TENM2: variants seen among roughly 807,000 people sequenced by gnomAD.
TENM2 encodes teneurin transmembrane protein 2.
A neutral mutation model predicts 245.2 loss-of-function variants in TENM2; 52 were observed. That is an observed-to-expected ratio of 0.21 (90% CI 0.17 to 0.27). The LOEUF is 0.27. Among genes scored for constraint, TENM2 ranks in the 10% least tolerant of loss-of-function variants. TENM2 has a pLI of 1.00. For missense variants in TENM2, 3,046 were observed against 3,666.8 expected (o/e 0.83, Z 4.37); for synonymous variants, 1,363 against 1,438.9 (o/e 0.95, Z 1.19).
chr5:167,629,221 G>A (rs1028843204), intron 2 of TENM2, among the ~76,000 whole-genome samples: 2 of 152,126 alleles, frequency 1.3e-5, no homozygotes, highest in African/African-American at 4.8e-5. Flanking sequence ...AGAGACCTAG[G>A]TTCAAATCCT....
chr5:167,034,556 A>C, the TENM2 span, among the ~76,000 whole-genome samples: 1 of 141,504 alleles, frequency 7.1e-6, no homozygotes, highest in Non-Finnish European at 1.5e-5. Flanking sequence ...CGTGAACCCG[A>C]GAGGCGGAGC....
the TENM2 span, among the ~76,000 whole-genome samples, chr5:167,253,681 T>A: frequency 6.6e-6 from 1 of 152,262 alleles, no homozygotes; most frequent in Non-Finnish European, 1.5e-5. Context: ...CTTTTACTCT[T>A]TAAGATGATT....
chr5:167,991,939 A>G lies in TENM2; in HGVS notation c.948-1005A>G, dbSNP rs186081293. 7.9e-5 allele frequency among the ~76,000 whole-genome samples: 12 copies of G among 152,360 alleles called. No individual in the cohort carries two copies. In the East Asian group the frequency reaches 2.3e-3, roughly 29 times the overall value. On this transcript the variant is annotated intron_variant, in intron 4 of 28. Transcript: ENST00000518659. ...CAATCTAAAATGGAGAGATTCTGCC[A>G]TAAAAATGGAATGAAATAATGGCTT... is the stretch of plus-strand genomic sequence containing the variant.
chr5:167,368,736 G>A (rs1760215887), intron 1 of TENM2, among the ~76,000 whole-genome samples: 1 of 152,068 alleles, frequency 6.6e-6, no homozygotes, highest in Non-Finnish European at 1.5e-5. Flanking sequence ...GAGGAAGGGG[G>A]TGCAGTGAAA....
intron 2 of TENM2, among the ~76,000 whole-genome samples, chr5:167,828,073 T>G (rs1768136727): frequency 6.6e-6 from 1 of 152,220 alleles, no homozygotes; most frequent in Non-Finnish European, 1.5e-5. Flanking sequence ...CAATAGCACT[T>G]GGCCAGGCTT....
chr5:167,518,703 G>A (rs1224050345), intron 2 of TENM2, among the ~76,000 whole-genome samples: 2 of 152,088 alleles, frequency 1.3e-5, no homozygotes, highest in African/African-American at 2.4e-5. Flanking sequence ...TTATCAGTCC[G>A]GAGTCACATC....
chr5:167,734,365 A>G (rs1320730407), intron 2 of TENM2, among the ~76,000 whole-genome samples: 1 of 151,854 alleles, frequency 6.6e-6, no homozygotes. Context: ...ATATTCATCC[A>G]CTTCTAGAAC....
At chr5:167,158,942 C>T in the TENM2 span, among the ~76,000 whole-genome samples, 1 of 142,418 alleles carries the variant, frequency 7.0e-6, no homozygotes, top group African/African-American at 2.6e-5. Context: ...CTCCTTCTTT[C>T]TTTCTTTCTT....
intron 2 of TENM2, among the ~76,000 whole-genome samples, chr5:167,752,373 C>A (rs1311569785): frequency 6.6e-6 from 1 of 151,420 alleles, no homozygotes; most frequent in East Asian, 1.9e-4. Context: ...CTTGGCCTTC[C>A]AAAGTGCTGG....
At chr5:167,968,894 G>A (rs994664051) in intron 4 of TENM2, among the ~76,000 whole-genome samples, 5 of 152,218 alleles carry the variant, frequency 3.3e-5, no homozygotes, top group African/African-American at 4.8e-5. Context: ...TGCAAGGGGC[G>A]GTGCTATGCA....
intron 2 of TENM2, among the ~76,000 whole-genome samples, chr5:167,386,165 T>C (rs934894658): frequency 5.9e-5 from 9 of 152,026 alleles, no homozygotes; most frequent in African/African-American, 2.2e-4. Flanking sequence ...GTGTTCCCTG[T>C]TCACCGCATC....
chr5:167,707,344 G>C (rs979618131), intron 2 of TENM2, among the ~76,000 whole-genome samples: 2 of 152,100 alleles, frequency 1.3e-5, no homozygotes, highest in Non-Finnish European at 2.9e-5. Context: ...TATATGGTTT[G>C]CTAATATTTT....
In TENM2 at chr5:167,421,795, T is replaced by C. The variant is rs147974714; in HGVS notation, c.502+46322T>C. ...CTATTTTGTTGGTAGTATTCTGTTT[T>C]TTGTTTGTTTGTTTTGAGATGGAGT... On this transcript the variant is annotated intron_variant, in intron 2 of 28. Transcript: ENST00000518659. 3.5e-3 allele frequency among the ~76,000 whole-genome samples: 528 copies of C among 152,174 alleles called. 5 individuals carry two copies. The highest frequency in any genetic ancestry group is 0.012 in the African/African-American group (501 of 41,540).
chr5:167,985,053 A>G (rs1407269604), intron 4 of TENM2, among the ~76,000 whole-genome samples: 3 of 152,234 alleles, frequency 2.0e-5, no homozygotes, highest in Non-Finnish European at 4.4e-5. Context: ...TACATGCTAC[A>G]GTACCCTTTA....
intron 9 of TENM2, among the ~76,000 whole-genome samples, chr5:168,104,229 A>T (rs1442226551): frequency 6.6e-6 from 1 of 152,062 alleles, no homozygotes; most frequent in Non-Finnish European, 1.5e-5. Context: ...AGGTTTCACC[A>T]TGTCAGCCAG....
chr5:167,409,757 A>G (rs947854124), intron 2 of TENM2, among the ~76,000 whole-genome samples: 1 of 151,840 alleles, frequency 6.6e-6, no homozygotes, highest in African/African-American at 2.4e-5. Context: ...TTATTCAGGT[A>G]GGGGTGTGTG....
chr5:168,144,450 A>G (rs1046875908), intron 12 of TENM2, among the ~76,000 whole-genome samples: 2 of 151,638 alleles, frequency 1.3e-5, no homozygotes, highest in African/African-American at 2.4e-5. Flanking sequence ...TTGTTCTTGC[A>G]ATAGTTTACT....
the TENM2 span, among the ~76,000 whole-genome samples, chr5:167,078,145 G>A: frequency 6.6e-6 from 1 of 152,082 alleles, no homozygotes; most frequent in Non-Finnish European, 1.5e-5. Context: ...GTTTGTGTGT[G>A]TACATGCATA....
intron 5 of TENM2, among the ~76,000 whole-genome samples, chr5:168,045,259 A>G (rs1199017471): frequency 1.3e-5 from 2 of 152,184 alleles, no homozygotes; most frequent in African/African-American, 2.4e-5. Context: ...TTTTCAGGAT[A>G]CTTTTAAAAA....
Sources: gnomAD v4.1 joint callset for allele counts (sites outside exome capture counted in the v4.1 genomes callset) on GRCh38, gnomAD v4.1.1 for gene constraint, MANE v1.5 for transcripts, NCBI Gene and HGNC (gene_info 2026-07-23, HGNC 2026-07-21) for gene names.